The following SIPA1L3 variants were observed in gnomAD, a reference collection of about 807,000 sequenced individuals.
SIPA1L3 encodes the protein signal induced proliferation associated 1 like 3.
SIPA1L3 carries 59 observed loss-of-function variants against 150.1 expected under a neutral mutation model. The observed-to-expected ratio is 0.39, with a 90% CI of 0.32 to 0.49. SIPA1L3 has a LOEUF of 0.49. SIPA1L3 is among the 20% of genes least tolerant of loss of function. The pLI is 0.86. For missense variants in SIPA1L3, 2,211 were observed against 2,489.5 expected (o/e 0.89, Z 2.38); for synonymous variants, 1,070 against 1,077.6 (o/e 0.99, Z 0.14).
At chr19:37,910,979 A>T (rs1472762691) in intron 1 of SIPA1L3, among the ~76,000 whole-genome samples, 2 of 152,104 alleles carry the variant, frequency 1.3e-5, no homozygotes, top group East Asian at 3.8e-4. Context: ...AATTTAGCTT[A>T]AAAAAAGTTA....
intron 2 of SIPA1L3, among the ~76,000 whole-genome samples, chr19:38,075,983 C>CA (rs1166950398): frequency 8.6e-5 from 13 of 151,726 alleles, no homozygotes; most frequent in Non-Finnish European, 1.5e-4. Flanking sequence ...ACTGAAAATA[C>CA]AAAAAATATT....
chr19:38,181,262 C>T (rs1353259250), intron 15 of SIPA1L3, among the ~76,000 whole-genome samples: 1 of 152,194 alleles, frequency 6.6e-6, no homozygotes, highest in Non-Finnish European at 1.5e-5. Context: ...ATGTGCCAGT[C>T]TTCTCATTTG....
chr19:37,977,586 C>T (rs1260682134), intron 1 of SIPA1L3, among the ~76,000 whole-genome samples: 1 of 152,112 alleles, frequency 6.6e-6, no homozygotes, highest in Non-Finnish European at 1.5e-5. Context: ...CCTCCACGCC[C>T]CCCCCCACAG....
chr19:37,987,276 C>T (rs1323204926), intron 1 of SIPA1L3, among the ~76,000 whole-genome samples: 2 of 152,074 alleles, frequency 1.3e-5, no homozygotes, highest in Non-Finnish European at 2.9e-5. Flanking sequence ...GATGCTGTTT[C>T]CCGGACCTTA....
intron 15 of SIPA1L3, among the ~76,000 whole-genome samples, chr19:38,169,709 G>C (rs1972285209): frequency 6.6e-6 from 1 of 152,218 alleles, no homozygotes; most frequent in Non-Finnish European, 1.5e-5. Flanking sequence ...TATCCCCCCT[G>C]GTCCAAGACC....
intron 10 of SIPA1L3, among the ~76,000 whole-genome samples, chr19:38,137,956 C>A (rs1420268673): frequency 6.6e-6 from 1 of 151,888 alleles, no homozygotes; most frequent in Non-Finnish European, 1.5e-5. Context: ...CATGGTGAAA[C>A]CCCATCTCTA....
chr19:37,984,081 C>CT (rs1332416332), intron 1 of SIPA1L3, among the ~76,000 whole-genome samples: 4 of 152,126 alleles, frequency 2.6e-5, no homozygotes, highest in Non-Finnish European at 5.9e-5. Context: ...GCTGAATCTC[C>CT]TGAGAACAAT....
chr19:37,980,551 C>A (rs1432957396), intron 1 of SIPA1L3, among the ~76,000 whole-genome samples: 1 of 152,170 alleles, frequency 6.6e-6, no homozygotes, highest in African/African-American at 2.4e-5. Context: ...GAACAGCATG[C>A]TTCCAGGTTC....
intron 13 of SIPA1L3, among the ~76,000 whole-genome samples, chr19:38,157,299 T>C (rs926837666): frequency 1.4e-4 from 22 of 152,216 alleles, no homozygotes; most frequent in Non-Finnish European, 2.5e-4. Context: ...TTGTCCAGTG[T>C]GCACACTGCA....
intron 1 of SIPA1L3, among the ~76,000 whole-genome samples, chr19:37,944,286 A>G (rs1229258928): frequency 1.3e-4 from 20 of 152,018 alleles, no homozygotes; most frequent in Admixed American, 1.3e-3. Context: ...TCAAAAAAAA[A>G]AAAAAAGCAT....
At chr19:37,969,595 C>T (rs888373417) in intron 1 of SIPA1L3, among the ~76,000 whole-genome samples, 11 of 152,048 alleles carry the variant, frequency 7.2e-5, no homozygotes, top group Non-Finnish European at 1.2e-4. Flanking sequence ...AAACAAAAAT[C>T]CTTATCATGG....
chr19:38,112,213 A>C (rs1970779360), intron 8 of SIPA1L3, among the ~76,000 whole-genome samples: 1 of 149,942 alleles, frequency 6.7e-6, no homozygotes, highest in African/African-American at 2.5e-5. Flanking sequence ...ACGCATAAAC[A>C]CATGCACATA....
intron 1 of SIPA1L3, among the ~76,000 whole-genome samples, chr19:37,992,783 A>G (rs1042108701): frequency 1.3e-5 from 2 of 152,126 alleles, no homozygotes; most frequent in African/African-American, 2.4e-5. Flanking sequence ...TCCTCCTTTC[A>G]GAGGAGAGTG....
intron 1 of SIPA1L3, among the ~76,000 whole-genome samples, chr19:37,995,984 A>G: frequency 6.6e-6 from 1 of 152,004 alleles, no homozygotes; most frequent in East Asian, 1.9e-4. Context: ...GCATGATCAT[A>G]GTTCACTGTA....
intron 1 of SIPA1L3, among the ~76,000 whole-genome samples, chr19:37,978,183 G>C (rs989372909): frequency 6.6e-6 from 1 of 152,170 alleles, no homozygotes; most frequent in Non-Finnish European, 1.5e-5. Context: ...ATGTGCAGAC[G>C]TGGCTCCAGG....
At chr19:38,111,574 G>A (rs16979801) in intron 8 of SIPA1L3, among the ~76,000 whole-genome samples, 10,702 of 152,250 alleles carry the variant, frequency 0.07, 452 homozygotes, top group Middle Eastern at 0.13. Flanking sequence ...TAGTCACCGC[G>A]AAATTACCGC....
chr19:38,031,441 T>C (rs1968652289), intron 2 of SIPA1L3, among the ~76,000 whole-genome samples: 1 of 152,242 alleles, frequency 6.6e-6, no homozygotes, highest in South Asian at 2.1e-4. Flanking sequence ...TAGCCTTTCA[T>C]GACCCAGACA....
At chr19:38,126,750 G>C (rs71337549) in intron 9 of SIPA1L3, among the ~76,000 whole-genome samples, 1 of 151,442 alleles carries the variant, frequency 6.6e-6, no homozygotes, top group African/African-American at 2.4e-5. Context: ...TGCCCAGGCC[G>C]GTCTTGAACT....
chr19:38,041,116 T>TC (rs1318123266), intron 2 of SIPA1L3, among the ~76,000 whole-genome samples: 2 of 148,194 alleles, frequency 1.3e-5, no homozygotes, highest in African/African-American at 2.5e-5. Flanking sequence ...TTACTTTTTT[T>TC]TTTTTTTTGA....
Sources: gnomAD v4.1 joint callset for allele counts (sites outside exome capture counted in the v4.1 genomes callset) on GRCh38, gnomAD v4.1.1 for gene constraint, MANE v1.5 for transcripts, NCBI Gene and HGNC (gene_info 2026-07-23, HGNC 2026-07-21) for gene names.